Variants in TIAM1 observed in about 807,000 individuals in gnomAD.
TIAM1 encodes the protein TIAM Rac1 associated GEF 1, also known as rho guanine nucleotide exchange factor TIAM1.
In TIAM1, 65 loss-of-function variants were observed where a neutral mutation model predicts 163.5. The ratio of observed to expected loss-of-function variants is 0.40; its 90% CI spans 0.33 to 0.49. The LOEUF (loss-of-function observed/expected upper bound fraction) is 0.49, where lower values mean the gene tolerates loss of function less well. Among genes scored for constraint, TIAM1 ranks in the 20% least tolerant of loss-of-function variants. The probability of loss-of-function intolerance (pLI) is 0.77; values close to 1 mark genes in which losing one functional copy is unlikely to be tolerated. For missense variants in TIAM1, 1,789 were observed against 2,044.7 expected (o/e 0.87, Z 2.41); for synonymous variants, 833 against 810.1 (o/e 1.03, Z -0.48).
chr21:31,173,454 CATA>C (rs1187692828), intron 15 of TIAM1, among the ~76,000 whole-genome samples: 1 of 151,548 alleles, frequency 6.6e-6, no homozygotes, highest in Non-Finnish European at 1.5e-5. Flanking sequence ...TATAAATACC[CATA>C]ATAACATCAG....
chr21:31,387,195 CTTTTTTTTT>C (rs60592178), intron 2 of TIAM1, among the ~76,000 whole-genome samples: 845 of 75,192 alleles, frequency 0.011, 16 homozygotes, highest in African/African-American at 0.042. Flanking sequence ...AGCTTATTCT[CTTTTTTTTT>C]TTTTTTTTTT....
chr21:31,481,730 C>A (rs1398247540), intron 1 of TIAM1, among the ~76,000 whole-genome samples: 2 of 152,118 alleles, frequency 1.3e-5, no homozygotes, highest in Non-Finnish European at 2.9e-5. Flanking sequence ...GCACCCAGCT[C>A]CCACACCCTC....
At chr21:31,123,767 T>C (rs1204909453) in intron 27 of TIAM1, among the ~76,000 whole-genome samples, 1 of 152,212 alleles carries the variant, frequency 6.6e-6, no homozygotes, top group African/African-American at 2.4e-5. Flanking sequence ...TGTTAGTATC[T>C]TGATGTCATT....
chr21:31,341,118 CG>C (rs2076004331), intron 1 of TIAM1, among the ~76,000 whole-genome samples: 1 of 152,084 alleles, frequency 6.6e-6, no homozygotes, highest in Non-Finnish European at 1.5e-5. Flanking sequence ...AAATACTAAT[CG>C]TTACACTGAA....
intron 1 of TIAM1, among the ~76,000 whole-genome samples, chr21:31,557,957 C>T (rs1023857145): frequency 5.9e-5 from 9 of 152,060 alleles, no homozygotes; most frequent in Admixed American, 5.2e-4. Flanking sequence ...GGGGGCTGGG[C>T]GCGAAGGCGC....
chr21:31,479,141 C>T (rs144109766), intron 1 of TIAM1, among the ~76,000 whole-genome samples: 4 of 152,278 alleles, frequency 2.6e-5, no homozygotes, highest in Non-Finnish European at 4.4e-5. Context: ...ACTTAGATTC[C>T]ACATTGCTTC....
intron 6 of TIAM1, among the ~76,000 whole-genome samples, chr21:31,227,589 G>C (rs1231343323): frequency 6.6e-6 from 1 of 151,452 alleles, no homozygotes; most frequent in Non-Finnish European, 1.5e-5. Flanking sequence ...TAAAGACTGA[G>C]TGGGAGGAGG....
Position 31,395,727 on chromosome 21 carries a change from G to A in TIAM1, c.-368-56305C>T, listed in dbSNP as rs375599681. Among the ~76,000 whole-genome samples the A allele has an allele frequency of 3.4e-4, 51 of 152,230 alleles. No homozygotes were observed. The South Asian group carries it at 6.9e-3, about 20-fold the overall frequency. Reference sequence around the variant, plus strand: ...GGGCGCATGCGTTCCCCTGGCTGTCGCGTGAAAATTTTTGCTTTATAAATT... The same window carrying A: ...GGGCGCATGCGTTCCCCTGGCTGTCACGTGAAAATTTTTGCTTTATAAATT... On this transcript the variant is annotated intron_variant, in intron 2 of 28. Coordinates refer to the TIAM1 transcript ENST00000286827. The surrounding 1 kb of genome is among the most constrained non-coding windows in gnomAD (Gnocchi z 7.5).
chr21:31,198,626 T>TC (rs2086010344), intron 12 of TIAM1, among the ~76,000 whole-genome samples: 3 of 152,216 alleles, frequency 2.0e-5, no homozygotes, highest in Admixed American at 6.5e-5. Flanking sequence ...CTTCAACTTA[T>TC]CAGGAGCCTT....
At chr21:31,322,004 G>C (rs755148684) in intron 2 of TIAM1, among the ~76,000 whole-genome samples, 36 of 152,070 alleles carry the variant, frequency 2.4e-4, no homozygotes, top group Non-Finnish European at 5.0e-4. Flanking sequence ...AGTGAGCCAA[G>C]ATCGTGCCAC....
intron 2 of TIAM1, among the ~76,000 whole-genome samples, chr21:31,321,882 A>G: frequency 6.6e-6 from 1 of 151,696 alleles, no homozygotes; most frequent in East Asian, 2.0e-4. Context: ...GTGAAACCCC[A>G]TCTCTACTAA....
chr21:31,557,369 G>A (rs561214396), intron 1 of TIAM1, among the ~76,000 whole-genome samples: 1 of 152,106 alleles, frequency 6.6e-6, no homozygotes. Context: ...AGAATCAACA[G>A]GACTCTAATA....
At chr21:31,157,956 A>C (rs766778390) in intron 16 of TIAM1, among the ~76,000 whole-genome samples, 41 of 152,158 alleles carry the variant, frequency 2.7e-4, no homozygotes, top group Admixed American at 3.3e-4. Flanking sequence ...CCAAAAGACA[A>C]AGGAACCTAA....
At chr21:31,271,580 G>A (rs1285329314) in intron 3 of TIAM1, among the ~76,000 whole-genome samples, 2 of 152,114 alleles carry the variant, frequency 1.3e-5, no homozygotes, top group African/African-American at 4.8e-5. Context: ...TTCTTCCTGG[G>A]GAAAGAATTA....
chr21:31,346,903 C>CT (rs1012495746), upstream of TIAM1, among the ~76,000 whole-genome samples: 2 of 151,578 alleles, frequency 1.3e-5, no homozygotes, highest in African/African-American at 2.4e-5. Context: ...GGGGCATATA[C>CT]TTTTTTTTCA....
At chr21:31,183,550 T>C (rs1041519338) in intron 14 of TIAM1, among the ~76,000 whole-genome samples, 2 of 152,152 alleles carry the variant, frequency 1.3e-5, no homozygotes, top group Non-Finnish European at 2.9e-5. Context: ...CAAAGATAAA[T>C]TGCAGGAACG....
intron 2 of TIAM1, among the ~76,000 whole-genome samples, chr21:31,379,543 GA>G (rs2076743111): frequency 6.6e-6 from 1 of 151,698 alleles, no homozygotes; most frequent in African/African-American, 2.4e-5. Context: ...AAAAAAATGT[GA>G]AAACGTATGT....
intron 2 of TIAM1, among the ~76,000 whole-genome samples, chr21:31,439,865 G>A (rs886473152): frequency 6.6e-6 from 1 of 151,980 alleles, no homozygotes; most frequent in Non-Finnish European, 1.5e-5. Context: ...AAGAGGGAGG[G>A]GTCTCTCGAA....
At chr21:31,201,822 C>A (rs1569016315) in intron 12 of TIAM1, among the ~76,000 whole-genome samples, 1 of 152,250 alleles carries the variant, frequency 6.6e-6, no homozygotes, top group East Asian at 1.9e-4. Context: ...AAAATAGAGG[C>A]GCCTTGCTCC....
Sources: allele counts gnomAD v4.1 joint callset (sites outside exome capture counted in the v4.1 genomes callset), GRCh38; gene constraint gnomAD v4.1.1; non-coding constraint Gnocchi (gnomAD v3.1); transcripts MANE v1.5; gene names NCBI Gene and HGNC (gene_info 2026-07-23, HGNC 2026-07-21).